The following SLC35G6 variants were observed in gnomAD, a reference collection of about 807,000 sequenced individuals.
The protein encoded by SLC35G6 is acyl-malonyl condensing enzyme 1-like 3.
In SLC35G6, 18 loss-of-function variants were observed where a neutral mutation model predicts 20.3. That is an observed-to-expected ratio of 0.88 (90% CI 0.61 to 1.31). The LOEUF (loss-of-function observed/expected upper bound fraction) is 1.31, where lower values mean the gene tolerates loss of function less well. SLC35G6 is among the 40% of genes most tolerant of loss of function. SLC35G6 has a pLI of 0.00. For synonymous variants in SLC35G6, 156 were observed against 200.9 expected, an observed-to-expected ratio of 0.78 and a Z score of 1.89; for missense variants, 372 against 433.4, an observed-to-expected ratio of 0.86 and a Z score of 1.26.
In SLC35G6 at chr17:7,483,496, G is replaced by C. The variant is rs1467163123; in HGVS notation, c.*495G>C. On this transcript the variant is annotated 3_prime_UTR_variant, in exon 2 of 2. Transcript: ENST00000412468. Reference sequence around the variant, plus strand: ...ATCAAACAAGGATTACTCTGAATGTGGCTTGCAGTGGTGTCGTCTCTGCTT... The same window carrying C: ...ATCAAACAAGGATTACTCTGAATGTCGCTTGCAGTGGTGTCGTCTCTGCTT... The C allele has an allele frequency of 4.7e-6, 1 of 211,332 alleles. No individual in the cohort carries two copies. The highest frequency in any genetic ancestry group is 6.9e-5 in the South Asian group (1 of 14,428). 13.1% of individuals were successfully genotyped at this position (211,332 alleles called of 1,614,324 possible).
rs745504681 is a variant in SLC35G6, at chr17:7,483,025, T to A, written c.*24T>A. On this transcript the variant is annotated 3_prime_UTR_variant, in exon 2 of 2. Transcript: ENST00000412468. ...GAGATAGAACTTGGGAGCCCGGGGG[T>A]TGGGAGGGACAGGGATAAATAGAGG... The A allele has an allele frequency of 1.9e-6, 3 of 1,610,200 alleles. No homozygotes were observed. Among genetic ancestry groups the A allele is most frequent in the Non-Finnish European group, 1.7e-6 (2 of 1,179,402 alleles).
chr17:7,483,080 A>C lies in SLC35G6; in HGVS notation c.*79A>C. On this transcript the variant is annotated 3_prime_UTR_variant, in exon 2 of 2. Coordinates refer to ENST00000412468, the MANE Select transcript of SLC35G6 (RefSeq NM_001102614.2). Reference sequence around the variant, plus strand: ...GACTGAAGACAAACATGGGAGGAGAAGTGACTGGAAAAGAACTGGTGTGGG... The same window carrying C: ...GACTGAAGACAAACATGGGAGGAGACGTGACTGGAAAAGAACTGGTGTGGG... The C allele has an allele frequency of 6.3e-7, 1 of 1,590,618 alleles. No homozygotes were observed. Among genetic ancestry groups the C allele is most frequent in the Non-Finnish European group, 8.6e-7 (1 of 1,168,746 alleles).
Position 7,482,191 on chromosome 17 carries a change from G to A in SLC35G6, c.207G>A (p.Ser69=), listed in dbSNP as rs753760826. The A allele has an allele frequency of 5.6e-6, 9 of 1,613,836 alleles. No individual in the cohort carries two copies. The highest frequency in any genetic ancestry group is 1.1e-5 in the South Asian group (1 of 91,086). Residue 69 remains serine (S), a synonymous_variant, in exon 2 of 2, where the codon TCG becomes TCA. Transcript: ENST00000412468. ...CTTACCAGGCTTCCAACCTGCCCTCGCTGGAGCTGCTCATCTGTCGATGCC... is the reference window on the plus strand; with the variant it reads ...CTTACCAGGCTTCCAACCTGCCCTCACTGGAGCTGCTCATCTGTCGATGCC... ...HMAYQASNLP[S]LELLICRCLF...
At chr17:7,481,601 C>T in intron 1 of SLC35G6, 82 bp downstream of exon 1, 1 of 1,038,408 alleles carries the variant, frequency 9.6e-7, no homozygotes, top group Admixed American at 3.3e-5. Flanking sequence ...TAAAACTTAG[C>T]TGTCTCAGAG....
chr17:7,481,968 A>C lies in SLC35G6; in HGVS notation c.4-20A>C, dbSNP rs2070349947. On this transcript the variant is annotated intron_variant, in intron 1 of 1. Coordinates refer to ENST00000412468, the MANE Select transcript of SLC35G6 (RefSeq NM_001102614.2). Reference sequence around the variant, plus strand: ...TGGGCTGCGGCTGCTGTCTACCCTGAGCTCCTTTCTCCCTAACAGGCTGGC... The same window carrying C: ...TGGGCTGCGGCTGCTGTCTACCCTGCGCTCCTTTCTCCCTAACAGGCTGGC... 1.3e-6 allele frequency: 2 copies of C among 1,569,062 alleles called. No homozygotes were observed. The highest frequency in any genetic ancestry group is 1.7e-6 in the Non-Finnish European group (2 of 1,158,562).
chr17:7,482,735 C>G lies in SLC35G6; in HGVS notation c.751C>G (p.Pro251Ala), dbSNP rs764936432. The change falls in exon 2 of 2, where the codon CCG becomes GCG. Residue 251 changes from proline (P) to alanine (A), a missense_variant. Coordinates refer to ENST00000412468, the MANE Select transcript of SLC35G6 (RefSeq NM_001102614.2). ...GCCCCCCGTGTTGCCCAGTGATCTCCCGAGTTGGAGTTGTGTGGGGGCAGT... is the reference window on the plus strand; with the variant it reads ...GCCCCCCGTGTTGCCCAGTGATCTCGCGAGTTGGAGTTGTGTGGGGGCAGT... ...LQPPVLPSDL[P>A]SWSCVGAVGI... The G allele has an allele frequency of 8.1e-6, 13 of 1,611,926 alleles. No individual in the cohort carries two copies. The Admixed American group carries it at 2.2e-4, about 27-fold the overall frequency.
Position 7,481,516 on chromosome 17 carries a change from G to A in SLC35G6, c.-1G>A, listed in dbSNP as rs201720527. 3.8e-6 allele frequency: 6 copies of A among 1,561,094 alleles called. No individual in the cohort carries two copies. In the East Asian group the frequency reaches 1.5e-4, roughly 38 times the overall value. On this transcript the variant is annotated 5_prime_UTR_variant, in exon 1 of 2. Transcript: ENST00000412468. ...GAGGAGAGGAGAAAGTCCAAGGAAA[G>A]ATGGTGAGTGTGGGGGCCAGGGGCC...
At position 7,483,038 on chromosome 17, in the gene SLC35G6, G is replaced by C. The variant is rs1567695287; in HGVS notation, c.*37G>C. ...GGAGCCCGGGGGTTGGGAGGGACAG[G>C]GATAAATAGAGGCAAAGACTGAAGA... On this transcript the variant is annotated 3_prime_UTR_variant, in exon 2 of 2. Transcript: ENST00000412468. 6.2e-7 allele frequency: 1 copy of C among 1,611,730 alleles called. No individual in the cohort carries two copies. Among genetic ancestry groups the C allele is most frequent in the Non-Finnish European group, 8.5e-7 (1 of 1,179,746 alleles).
In SLC35G6 at chr17:7,482,195, G is replaced by A; in HGVS notation, c.211G>A (p.Glu71Lys). 2 of 1,613,972 alleles carry A rather than the reference G, an allele frequency of 1.2e-6. No individual in the cohort carries two copies. Among genetic ancestry groups the A allele is most frequent in the Non-Finnish European group, 1.7e-6 (2 of 1,179,888 alleles). ...AYQASNLPSL[E>K]LLICRCLFHL... Reference sequence around the variant, plus strand: ...CCAGGCTTCCAACCTGCCCTCGCTGGAGCTGCTCATCTGTCGATGCCTCTT... The same window carrying A: ...CCAGGCTTCCAACCTGCCCTCGCTGAAGCTGCTCATCTGTCGATGCCTCTT... The change falls in exon 2 of 2, where the codon GAG (glutamate) becomes AAG (lysine). Residue 71 changes from glutamate (E) to lysine (K), a missense_variant. Coordinates refer to ENST00000412468, the MANE Select transcript of SLC35G6 (RefSeq NM_001102614.2).
rs763600166 is a variant in SLC35G6, at chr17:7,481,974, T to C, written c.4-14T>C. On this transcript the variant is annotated splice_polypyrimidine_tract_variant and intron_variant, in intron 1 of 1. Transcript: ENST00000412468. ...GCGGCTGCTGTCTACCCTGAGCTCCTTTCTCCCTAACAGGCTGGCAGTCAC... is the reference window on the plus strand; with the variant it reads ...GCGGCTGCTGTCTACCCTGAGCTCCCTTCTCCCTAACAGGCTGGCAGTCAC... The C allele has an allele frequency of 1.2e-5, 19 of 1,574,800 alleles. No homozygotes were observed. The highest frequency in any genetic ancestry group is 1.5e-5 in the Non-Finnish European group (17 of 1,161,026).
Position 7,482,380 on chromosome 17 carries a change from TGTTCGCAAAG to T in SLC35G6, c.401_410del (p.Arg134LeufsTer31), listed in dbSNP as rs2070356284. On this transcript the variant is annotated frameshift_variant, in exon 2 of 2. Transcript: ENST00000412468. LOFTEE classifies it high-confidence loss of function. Reference sequence around the variant, plus strand: ...TGGTGCCCGCTGGCAACGCTGCCACTGTTCGCAAAGGTTCTTCCACCGTCTGCTCCGCCGT... The same window carrying T: ...TGGTGCCCGCTGGCAACGCTGCCACTGTTCTTCCACCGTCTGCTCCGCCGT... 1.2e-6 allele frequency: 2 copies of T among 1,613,912 alleles called. No homozygotes were observed. Among genetic ancestry groups the T allele is most frequent in the Non-Finnish European group, 1.7e-6 (2 of 1,179,888 alleles).
rs761769444 is a variant in SLC35G6, at chr17:7,482,347, G to A, written c.363G>A (p.Ala121=). The A allele has an allele frequency of 6.2e-6, 10 of 1,614,004 alleles. No individual in the cohort carries two copies. In the South Asian group the frequency reaches 7.7e-5, roughly 12 times the overall value. The change falls in exon 2 of 2, where the codon GCG becomes GCA. Residue 121 remains alanine (A), a synonymous_variant. Transcript: ENST00000412468. ...TCAGCATTGGATGTGCCTACAGTGCGGTTCAGGTGGTGCCCGCTGGCAACG... is the reference window on the plus strand; with the variant it reads ...TCAGCATTGGATGTGCCTACAGTGCAGTTCAGGTGGTGCCCGCTGGCAACG... ...NVLSIGCAYS[A]VQVVPAGNAA... is the part of the protein sequence containing the mutation.
rs2070344770 is a variant in SLC35G6 at position 7,481,500 on chromosome 17, AG to A, written c.-16del. On this transcript the variant is annotated 5_prime_UTR_variant, in exon 1 of 2. Coordinates refer to ENST00000412468, the MANE Select transcript of SLC35G6 (RefSeq NM_001102614.2). ...AGGCTCCCTGAGCCAGGAGGAGAGG[AG>A]AAAGTCCAAGGAAAGATGGTGAGTG... 1 of 1,555,056 alleles carries A rather than the reference AG, an allele frequency of 6.4e-7. No individual in the cohort carries two copies. Among genetic ancestry groups the A allele is most frequent in the Non-Finnish European group, 8.7e-7 (1 of 1,152,734 alleles).
Position 7,483,366 on chromosome 17 carries a change from C to T in SLC35G6, c.*365C>T. ...GTTCCGGCAAAGACAGAGCCAGCAGCTGCGGTGGGGGAGGGGAGCGTGCCT... is the reference window on the plus strand; with the variant it reads ...GTTCCGGCAAAGACAGAGCCAGCAGTTGCGGTGGGGGAGGGGAGCGTGCCT... On this transcript the variant is annotated 3_prime_UTR_variant, in exon 2 of 2. Coordinates refer to ENST00000412468, the MANE Select transcript of SLC35G6 (RefSeq NM_001102614.2). 1 of 317,204 alleles carries T rather than the reference C, an allele frequency of 3.2e-6. No individual in the cohort carries two copies. Among genetic ancestry groups the T allele is most frequent in the East Asian group, 7.0e-5 (1 of 14,324 alleles). 19.6% of individuals were successfully genotyped at this position (317,204 alleles called of 1,614,324 possible).
rs1597786385 is a variant in SLC35G6 at position 7,483,480 on chromosome 17, G to T, written c.*479G>T. 4.3e-6 allele frequency: 1 copy of T among 232,520 alleles called. No individual in the cohort carries two copies. The highest frequency in any genetic ancestry group is 8.6e-6 in the Non-Finnish European group (1 of 115,754). The allele number at this position is 232,520 out of a possible 1,614,324, so 14.4% of individuals were successfully genotyped here. On this transcript the variant is annotated 3_prime_UTR_variant, in exon 2 of 2. Transcript: ENST00000412468. ...GTGACGTGACATTGACATCAAACAA[G>T]GATTACTCTGAATGTGGCTTGCAGT...
At chr17:7,481,580 C>T (rs1317220125) in intron 1 of SLC35G6, 61 bp downstream of exon 1, 6 of 1,248,424 alleles carry the variant, frequency 4.8e-6, no homozygotes, top group African/African-American at 1.5e-5. Context: ...GCTCCATTTC[C>T]CCTCCTTTCC....
In SLC35G6 at chr17:7,483,415, AG is replaced by A. The variant is rs1421984565; in HGVS notation, c.*416del. The A allele has an allele frequency of 1.1e-5, 3 of 279,244 alleles. No homozygotes were observed. Among genetic ancestry groups the A allele is most frequent in the African/African-American group, 6.6e-5 (3 of 45,402 alleles). 17.3% of individuals were successfully genotyped at this position (279,244 alleles called of 1,614,324 possible). ...CTCCCCACCCCTCCCCTCACGGCAA[AG>A]GTTTCCTTTCCTCGTGCTTGTGCCC... On this transcript the variant is annotated 3_prime_UTR_variant, in exon 2 of 2. Transcript: ENST00000412468.
In SLC35G6 at chr17:7,482,626, C is replaced by T; in HGVS notation, c.642C>T (p.His214=). 6.2e-7 allele frequency: 1 copy of T among 1,612,106 alleles called. No individual in the cohort carries two copies. Among genetic ancestry groups the T allele is most frequent in the Admixed American group, 1.7e-5 (1 of 60,012 alleles). ...GGCTTCTGGTCTATCGTTCTCTGCA[C>T]TTTCCCTCCTGCCTCCCAACAGTGG... ...SLGLLVYRSL[H]FPSCLPTVAF... The change falls in exon 2 of 2, where the codon CAC becomes CAT. Residue 214 remains histidine (H), a synonymous_variant. Coordinates refer to ENST00000412468, the MANE Select transcript of SLC35G6 (RefSeq NM_001102614.2).
intron 1 of SLC35G6, 132 bp downstream of exon 1, chr17:7,481,651 C>G: frequency 1.4e-6 from 1 of 696,692 alleles, no homozygotes; most frequent in Non-Finnish European, 2.3e-6. Flanking sequence ...ACCCAGATGT[C>G]TCTGGAACCT....
Sources: allele counts gnomAD v4.1 joint callset, GRCh38; gene constraint gnomAD v4.1.1; transcripts MANE v1.5; gene names NCBI Gene and HGNC (gene_info 2026-07-23, HGNC 2026-07-21).